The following CFAP54 variants were observed in gnomAD, a reference collection of about 807,000 sequenced individuals.
CFAP54 encodes cilia and flagella associated protein 54, also known as cilia- and flagella-associated protein 54.
Under a neutral mutation model 370.4 loss-of-function variants are expected in CFAP54, and 290 were observed. That is an observed-to-expected ratio of 0.78 (90% confidence interval 0.71 to 0.86). The LOEUF is 0.86. Among genes scored for constraint, CFAP54 ranks in the 40% least tolerant of loss-of-function variants. The pLI, the probability that CFAP54 is intolerant of heterozygous loss-of-function variation, is 0.00. For synonymous variants in CFAP54, 1,206 were observed against 1,236.5 expected (o/e 0.98, Z 0.52); for missense variants, 3,399 against 3,528.7 (o/e 0.96, Z 0.93).
rs1238363938 is a variant in CFAP54, at chr12:96,589,476, C to T, written c.3125C>T (p.Pro1042Leu). ...GAATTGGCTAAGAAAGTTTTCTCAC[C>T]AGTTTGGGATTATTTTGTTGCTTCG... ...NYELAKKVFS[P>L]VWDYFVASPL... Residue 1042 changes from proline to leucine, a missense_variant, in exon 23 of 68, where the codon CCA (proline) becomes CTA (leucine). Transcript: ENST00000524981. The T allele has an allele frequency of 6.5e-7, 1 of 1,530,906 alleles. No homozygotes were observed. The highest frequency in any genetic ancestry group is 8.8e-7 in the Non-Finnish European group (1 of 1,142,572). The allele number at this position is 1,530,906 out of a possible 1,614,324, so 94.8% of individuals were successfully genotyped here.
At position 96,762,152 on chromosome 12, in the gene CFAP54, T is replaced by C. The variant is rs7959645; in HGVS notation, c.8041-1999T>C. On this transcript the variant is annotated intron_variant, in intron 58 of 67. Transcript: ENST00000524981. ...TTGTCTTTTTAGTGTATGAGTCTTA[T>C]ACATTTTTGTTATTTCTATTGTCAA... Among the ~76,000 whole-genome samples the C allele has an allele frequency of 4.8e-3, 737 of 152,352 alleles. 4 individuals carry two copies. Among genetic ancestry groups the C allele is most frequent in the African/African-American group, 0.017 (693 of 41,590 alleles).
At chr12:96,493,739 A>G (rs550433728) in intron 1 of CFAP54, among the ~76,000 whole-genome samples, 4 of 152,332 alleles carry the variant, frequency 2.6e-5, no homozygotes, top group African/African-American at 4.8e-5. Flanking sequence ...TGGAGGTTGC[A>G]TTGAGCCAAG....
intron 48 of CFAP54, among the ~76,000 whole-genome samples, chr12:96,714,600 G>T (rs1339260929): frequency 6.6e-6 from 1 of 152,068 alleles, no homozygotes; most frequent in African/African-American, 2.4e-5. Flanking sequence ...GTGATCAATT[G>T]AATCAAAAGG....
intron 45 of CFAP54, among the ~76,000 whole-genome samples, chr12:96,697,269 G>T (rs944701836): frequency 1.3e-5 from 2 of 152,142 alleles, no homozygotes; most frequent in African/African-American, 2.4e-5. Flanking sequence ...AAGAGTCCAT[G>T]TTCAGAAATC....
intron 65 of CFAP54, among the ~76,000 whole-genome samples, chr12:96,824,611 G>A (rs1009093609): frequency 6.6e-6 from 1 of 152,130 alleles, no homozygotes; most frequent in Non-Finnish European, 1.5e-5. Context: ...CCAGGGACCT[G>A]GCAAGATCAG....
Position 96,685,159 on chromosome 12 carries a change from G to A in CFAP54, c.5935G>A (p.Asp1979Asn). ...TNSHSPPGFK[D>N]YSEEFLSRVG... ...CAGTCATTCACCTCCGGGTTTCAAAGACTACAGTGAGGAGTTTCTGTCAAG... is the reference window on the plus strand; with the variant it reads ...CAGTCATTCACCTCCGGGTTTCAAAAACTACAGTGAGGAGTTTCTGTCAAG... The change falls in exon 42 of 68, where the codon GAC becomes AAC. Residue 1979 changes from aspartate (D) to asparagine (N), a missense_variant. Asp to Asn is a conservative substitution (Grantham distance 23). This residue lies in a region of CFAP54 where 2,796 missense variants were observed against 2,869.7 expected (regional missense o/e 0.97). Coordinates refer to ENST00000524981, the MANE Select transcript of CFAP54 (RefSeq NM_001306084.2). 1 of 1,614,150 alleles carries A rather than the reference G, an allele frequency of 6.2e-7. No homozygotes were observed.
intron 22 of CFAP54, among the ~76,000 whole-genome samples, chr12:96,584,068 C>T (rs1400700362): frequency 6.6e-6 from 1 of 152,210 alleles, no homozygotes; most frequent in Admixed American, 6.5e-5. Flanking sequence ...GAAGTTCACA[C>T]GACTCCCACT....
intron 42 of CFAP54, among the ~76,000 whole-genome samples, chr12:96,686,508 G>A (rs1957331772): frequency 6.6e-6 from 1 of 152,130 alleles, no homozygotes; most frequent in South Asian, 2.1e-4. Flanking sequence ...GGGTTTCTGG[G>A]GAGGCCTCAG....
intron 28 of CFAP54, among the ~76,000 whole-genome samples, chr12:96,624,281 A>G (rs1380277972): frequency 6.6e-6 from 1 of 152,112 alleles, no homozygotes; most frequent in East Asian, 1.9e-4. Context: ...ACCACCCCCT[A>G]GTTGTGACAA....
rs1163645415 is a variant in CFAP54, at chr12:96,512,878, C to T, written c.740-108C>T. 4 of 549,826 alleles carry T rather than the reference C, an allele frequency of 7.3e-6. No individual in the cohort carries two copies. In the East Asian group the frequency reaches 1.4e-4, roughly 19 times the overall value. The allele number at this position is 549,826 out of a possible 1,614,324, so 34.1% of individuals were successfully genotyped here. Reference sequence around the variant, plus strand: ...TCTATATACCATTATCAGACTTCCTCATAAGATCACTTGTTTTGGGAACTA... The same window carrying T: ...TCTATATACCATTATCAGACTTCCTTATAAGATCACTTGTTTTGGGAACTA... On this transcript the variant is annotated intron_variant, in intron 4 of 67. Transcript: ENST00000524981.
chr12:96,595,596 T>A (rs199657447), intron 25 of CFAP54, among the ~76,000 whole-genome samples: 2 of 152,182 alleles, frequency 1.3e-5, no homozygotes, highest in East Asian at 3.9e-4. Flanking sequence ...TTGAGTAACT[T>A]AAAAAAGATT....
intron 4 of CFAP54, among the ~76,000 whole-genome samples, chr12:96,512,335 A>G (rs1257507694): frequency 5.3e-5 from 2 of 37,790 alleles, no homozygotes; most frequent in Non-Finnish European, 1.2e-4. Context: ...ATATATATAT[A>G]TATATATATA....
intron 8 of CFAP54, among the ~76,000 whole-genome samples, chr12:96,522,782 G>T (rs1955335082): frequency 6.6e-6 from 1 of 152,134 alleles, no homozygotes; most frequent in Admixed American, 6.5e-5. Context: ...AAACATTGCT[G>T]GTCATTTGGC....
chr12:96,787,856 T>G lies in CFAP54; in HGVS notation c.8679+958T>G, dbSNP rs185877398. 1.0e-3 allele frequency among the ~76,000 whole-genome samples: 159 copies of G among 152,234 alleles called. 1 individual carries two copies. The highest frequency in any genetic ancestry group is 3.8e-3 in the African/African-American group (157 of 41,552). ...AAAATTAGTATATCTTAGTTTTACT[T>G]TCAATACTCTCAATAGGGCTGATTG... On this transcript the variant is annotated intron_variant, in intron 62 of 67. Coordinates refer to ENST00000524981, the MANE Select transcript of CFAP54 (RefSeq NM_001306084.2).
intron 3 of CFAP54, 94 bp downstream of exon 3, chr12:96,504,123 G>A: frequency 8.3e-7 from 1 of 1,197,662 alleles, no homozygotes; most frequent in African/African-American, 1.5e-5. Context: ...TGTTGGCTTA[G>A]CATAGCATCT....
intron 65 of CFAP54, among the ~76,000 whole-genome samples, chr12:96,826,335 C>CGACAA (rs71068833): frequency 2.1e-4 from 29 of 138,254 alleles, no homozygotes; most frequent in Admixed American, 8.7e-4. Flanking sequence ...TATATATAGT[C>CGACAA]TACAATATAT....
At chr12:96,652,458 A>T (rs1186611919) in intron 36 of CFAP54, among the ~76,000 whole-genome samples, 3 of 152,218 alleles carry the variant, frequency 2.0e-5, no homozygotes, top group African/African-American at 7.2e-5. Flanking sequence ...CTAAGTGATA[A>T]GAATGTATTT....
chr12:96,533,997 C>T (rs1037754968), intron 10 of CFAP54, 24 bp downstream of exon 10: 1 of 1,470,972 alleles, frequency 6.8e-7, no homozygotes, highest in Non-Finnish European at 8.9e-7. Flanking sequence ...AATTATCCTC[C>T]TGGTTTTTTT....
intron 14 of CFAP54, among the ~76,000 whole-genome samples, chr12:96,544,823 C>G (rs998678689): frequency 5.9e-5 from 9 of 152,146 alleles, no homozygotes; most frequent in African/African-American, 2.2e-4. Flanking sequence ...GGCTTTCTTA[C>G]TCACGGAGAC....
Sources: allele counts gnomAD v4.1 joint callset (sites outside exome capture counted in the v4.1 genomes callset), GRCh38; gene constraint gnomAD v4.1.1; regional missense constraint gnomAD v4.1.1; transcripts MANE v1.5; gene names NCBI Gene and HGNC (gene_info 2026-07-23, HGNC 2026-07-21).